SORCS1: variants seen among roughly 807,000 people sequenced by gnomAD.
SORCS1 encodes the protein sortilin related VPS10 domain containing receptor 1.
In SORCS1, 60 loss-of-function variants were observed where a neutral mutation model predicts 146.1. The ratio of observed to expected loss-of-function variants is 0.41; its 90% CI spans 0.33 to 0.51. The LOEUF is 0.51. Ranked by LOEUF, SORCS1 falls within the 20% of genes least tolerant of loss-of-function variation. The pLI is 0.21. For missense variants in SORCS1, 1,352 were observed against 1,487.6 expected (o/e 0.91, Z 1.50); for synonymous variants, 637 against 584.0 (o/e 1.09, Z -1.31).
At chr10:106,747,063 T>C (rs548991468) in intron 5 of SORCS1, among the ~76,000 whole-genome samples, 1 of 152,324 alleles carries the variant, frequency 6.6e-6, no homozygotes, top group East Asian at 1.9e-4. Flanking sequence ...TTATTGGTAG[T>C]ATTTGTCTTC....
At chr10:106,649,666 A>G (rs1849715015) in intron 18 of SORCS1, among the ~76,000 whole-genome samples, 1 of 152,096 alleles carries the variant, frequency 6.6e-6, no homozygotes, top group Non-Finnish European at 1.5e-5. Flanking sequence ...AGGCTTGGAA[A>G]ATTCTCAGCC....
At chr10:106,876,219 G>A (rs1950584281) in intron 2 of SORCS1, among the ~76,000 whole-genome samples, 1 of 152,034 alleles carries the variant, frequency 6.6e-6, no homozygotes, top group Admixed American at 6.5e-5. Flanking sequence ...TGAGGGCGCG[G>A]TTTTTATAAT....
intron 20 of SORCS1, among the ~76,000 whole-genome samples, chr10:106,619,566 T>C (rs1847600357): frequency 6.6e-6 from 1 of 152,240 alleles, no homozygotes; most frequent in Admixed American, 6.5e-5. Context: ...TCAGCTCTAT[T>C]GCCTAACTTA....
At chr10:106,902,542 A>G (rs1286732535) in intron 2 of SORCS1, among the ~76,000 whole-genome samples, 2 of 152,234 alleles carry the variant, frequency 1.3e-5, no homozygotes, top group Non-Finnish European at 2.9e-5. Context: ...CACGGCTTAT[A>G]ATTTCATATA....
At chr10:107,124,100 AAG>A (rs1477456596) in intron 1 of SORCS1, among the ~76,000 whole-genome samples, 2 of 152,000 alleles carry the variant, frequency 1.3e-5, no homozygotes, top group African/African-American at 4.8e-5. Context: ...AAAAAAAAAA[AAG>A]AAAAGAAAAT....
chr10:106,829,693 T>C lies in SORCS1; in HGVS notation c.627-20A>G. The C allele has an allele frequency of 6.3e-7, 1 of 1,577,776 alleles. No individual in the cohort carries two copies. Among genetic ancestry groups the C allele is most frequent in the Non-Finnish European group, 8.7e-7 (1 of 1,148,816 alleles). On this transcript the variant is annotated intron_variant, in intron 2 of 25. Coordinates refer to ENST00000263054, the MANE Select transcript of SORCS1 (RefSeq NM_052918.5). ...GTTGACCTATAATCCAAAAAGAGCA[T>C]TAATGAGGACAGAAGTATATGTCAT...
At chr10:106,770,544 A>T (rs978477925) in intron 4 of SORCS1, among the ~76,000 whole-genome samples, 6 of 152,210 alleles carry the variant, frequency 3.9e-5, no homozygotes, top group African/African-American at 1.4e-4. Context: ...TGAACAAAGA[A>T]AAACAAAGAT....
intron 3 of SORCS1, among the ~76,000 whole-genome samples, chr10:106,779,708 G>A (rs1003187124): frequency 2.6e-5 from 4 of 151,868 alleles, no homozygotes; most frequent in Non-Finnish European, 4.4e-5. Flanking sequence ...GGCTGGTCTC[G>A]AACCCCTGAC....
chr10:106,996,170 T>TAA (rs1445527536), intron 1 of SORCS1, among the ~76,000 whole-genome samples: 1 of 142,506 alleles, frequency 7.0e-6, no homozygotes, highest in East Asian at 2.1e-4. Flanking sequence ...GAGGCTGCAG[T>TAA]AAGCCAAGAC....
Position 106,651,947 on chromosome 10 carries a change from T to C in SORCS1, c.2475+435A>G, listed in dbSNP as rs1564819474. On this transcript the variant is annotated intron_variant, in intron 18 of 25. Coordinates refer to ENST00000263054, the MANE Select transcript of SORCS1 (RefSeq NM_052918.5). ...ATTATGTTTACATTGGCCTCAGTGC[T>C]ATATGCATGACCATCGTGTTGCCCT... Among the ~76,000 whole-genome samples the C allele has an allele frequency of 2.6e-5, 4 of 152,352 alleles. No homozygotes were observed. In the South Asian group the frequency reaches 8.3e-4, roughly 32 times the overall value.
At chr10:106,647,389 T>TACACACAC (rs3044913) in intron 18 of SORCS1, among the ~76,000 whole-genome samples, 4,354 of 147,378 alleles carry the variant, frequency 0.03, 66 homozygotes, top group African/African-American at 0.035. Context: ...TTATAAATTT[T>TACACACAC]ACACACACAC....
At chr10:106,879,182 A>C (rs1950721383) in intron 2 of SORCS1, among the ~76,000 whole-genome samples, 1 of 151,484 alleles carries the variant, frequency 6.6e-6, no homozygotes, top group African/African-American at 2.4e-5. Flanking sequence ...TAACTTACCA[A>C]GAGTGAGCAA....
intron 1 of SORCS1, among the ~76,000 whole-genome samples, chr10:107,101,325 C>T (rs539352607): frequency 4.6e-5 from 7 of 152,304 alleles, no homozygotes; most frequent in African/African-American, 1.7e-4. Context: ...GGATTACAGG[C>T]GTGAGCCACC....
At chr10:106,718,376 G>A (rs929379042) in intron 6 of SORCS1, among the ~76,000 whole-genome samples, 4 of 152,224 alleles carry the variant, frequency 2.6e-5, no homozygotes, top group Admixed American at 2.6e-4. Flanking sequence ...CATGAATGAA[G>A]CTGCAGACCC....
intron 4 of SORCS1, among the ~76,000 whole-genome samples, chr10:106,765,022 C>CA (rs10582038): frequency 0.021 from 1,514 of 72,758 alleles, 30 homozygotes; most frequent in African/African-American, 0.042. Context: ...GACACTGTCT[C>CA]AAAAAAAAAA....
chr10:107,033,500 CAA>C (rs1302726358), intron 1 of SORCS1, among the ~76,000 whole-genome samples: 3 of 152,174 alleles, frequency 2.0e-5, no homozygotes, highest in African/African-American at 7.2e-5. Flanking sequence ...ATAGGCTGAG[CAA>C]AGTGTCTGAT....
At chr10:106,683,934 TA>T (rs1213571056) in intron 10 of SORCS1, among the ~76,000 whole-genome samples, 2 of 151,988 alleles carry the variant, frequency 1.3e-5, no homozygotes, top group East Asian at 1.9e-4. Flanking sequence ...ATCAGCAAAA[TA>T]TATAGAGTCA....
rs1946095622 is a variant in SORCS1, at chr10:106,787,167, A to G, written c.727-10475T>C. Among the ~76,000 whole-genome samples, 4 of 152,210 alleles carry G rather than the reference A, an allele frequency of 2.6e-5. No homozygotes were observed. In the South Asian group the frequency reaches 8.3e-4, roughly 32 times the overall value. On this transcript the variant is annotated intron_variant, in intron 3 of 25. Coordinates refer to ENST00000263054, the MANE Select transcript of SORCS1 (RefSeq NM_052918.5). ...CCCCTCATTTAATTAAGGATCTGAT[A>G]TCATGAAATATGGGTTTCTTAAGAG...
intron 2 of SORCS1, among the ~76,000 whole-genome samples, chr10:106,840,768 G>A (rs1948991564): frequency 6.6e-6 from 1 of 150,568 alleles, no homozygotes; most frequent in Non-Finnish European, 1.5e-5. Context: ...AAATATCAAG[G>A]CAAGACCCTC....
Sources: gnomAD v4.1 joint callset for allele counts (sites outside exome capture counted in the v4.1 genomes callset) on GRCh38, gnomAD v4.1.1 for gene constraint, MANE v1.5 for transcripts, NCBI Gene and HGNC (gene_info 2026-07-23, HGNC 2026-07-21) for gene names.